LRRIQ1: variants seen among roughly 807,000 people sequenced by gnomAD.
The protein encoded by LRRIQ1 is leucine-rich repeat- and IQ domain-containing protein 1.
Under a neutral mutation model 211.9 loss-of-function variants are expected in LRRIQ1, and 210 were observed. The observed-to-expected ratio is 0.99, with a 90% CI of 0.89 to 1.11. The LOEUF (loss-of-function observed/expected upper bound fraction) is 1.11, where lower values mean the gene tolerates loss of function less well. Among genes scored for constraint, LRRIQ1 ranks in the 50% most tolerant of loss-of-function variants. The pLI is 0.00. For missense variants in LRRIQ1, 2,136 were observed against 1,939.5 expected, an observed-to-expected ratio of 1.10 and a Z score of -1.90; for synonymous variants, 699 against 650.1, an observed-to-expected ratio of 1.08 and a Z score of -1.14.
chr12:85,203,735 T>G (rs953480315), intron 24 of LRRIQ1, among the ~76,000 whole-genome samples: 2 of 152,064 alleles, frequency 1.3e-5, no homozygotes, highest in Admixed American at 1.3e-4. Context: ...TGGAAGAAAT[T>G]TCTAAGCAGC....
intron 24 of LRRIQ1, among the ~76,000 whole-genome samples, chr12:85,167,178 T>C (rs1891190910): frequency 6.6e-6 from 1 of 152,232 alleles, no homozygotes; most frequent in Non-Finnish European, 1.5e-5. Context: ...GGAAGACTTT[T>C]CTGATTCTAG....
intron 7 of LRRIQ1, among the ~76,000 whole-genome samples, chr12:85,053,087 A>G (rs1880523706): frequency 6.6e-6 from 1 of 152,132 alleles, no homozygotes; most frequent in South Asian, 2.1e-4. Flanking sequence ...ATAGCAGATG[A>G]CACCATTAGT....
intron 1 of LRRIQ1, among the ~76,000 whole-genome samples, chr12:85,252,400 G>A (rs891156415): frequency 6.6e-6 from 1 of 151,748 alleles, no homozygotes; most frequent in Non-Finnish European, 1.5e-5. Flanking sequence ...AATTAAAGAC[G>A]CTGAGGAAGA....
chr12:85,057,095 AAG>A lies in LRRIQ1; in HGVS notation c.2306_2307del (p.Arg769ThrfsTer14), dbSNP rs767840922. 6.2e-7 allele frequency: 1 copy of A among 1,607,248 alleles called. No homozygotes were observed. Among genetic ancestry groups the A allele is most frequent in the Non-Finnish European group, 8.5e-7 (1 of 1,177,874 alleles). The stretch of plus-strand genomic sequence containing the variant: ...TCAACAAAAGAAAATTGTTAGAAGA[AAG>A]AGACCTGTGAAATGCCCAGCCAACA... ...QNQQKKIVRR[K>X]RPVKCPANMT... On this transcript the variant is annotated frameshift_variant, in exon 8 of 27. Transcript: ENST00000393217. LOFTEE classifies it high-confidence loss of function.
intron 18 of LRRIQ1, among the ~76,000 whole-genome samples, chr12:85,133,289 G>A (rs1197600196): frequency 6.6e-6 from 1 of 152,004 alleles, no homozygotes; most frequent in Non-Finnish European, 1.5e-5. Flanking sequence ...TTTGTAGGTT[G>A]GGTAAAAAGA....
chr12:85,142,690 T>C (rs1889625615), intron 19 of LRRIQ1, among the ~76,000 whole-genome samples: 1 of 151,584 alleles, frequency 6.6e-6, no homozygotes, highest in African/African-American at 2.4e-5. Context: ...ATTAAGTTTT[T>C]TGGATTCCCT....
chr12:85,164,663 A>G (rs1352626729), intron 24 of LRRIQ1, among the ~76,000 whole-genome samples: 1 of 152,196 alleles, frequency 6.6e-6, no homozygotes, highest in Non-Finnish European at 1.5e-5. Context: ...TGAGAAAGGT[A>G]TTATGACTGT....
intron 24 of LRRIQ1, among the ~76,000 whole-genome samples, chr12:85,169,152 A>C (rs1330040779): frequency 6.6e-6 from 1 of 152,206 alleles, no homozygotes; most frequent in Non-Finnish European, 1.5e-5. Context: ...GATAGGAGAC[A>C]AAACTTCATT....
chr12:85,210,353 A>C (rs931331517), intron 24 of LRRIQ1, among the ~76,000 whole-genome samples: 1 of 152,206 alleles, frequency 6.6e-6, no homozygotes, highest in Non-Finnish European at 1.5e-5. Flanking sequence ...CGGAAAAACT[A>C]ATATAATTTT....
intron 24 of LRRIQ1, among the ~76,000 whole-genome samples, chr12:85,195,008 C>A (rs1405878308): frequency 6.6e-6 from 1 of 152,144 alleles, no homozygotes; most frequent in East Asian, 1.9e-4. Flanking sequence ...ACCGATCCCA[C>A]AGAAATACAA....
chr12:85,178,630 C>T (rs535429315), intron 24 of LRRIQ1, among the ~76,000 whole-genome samples: 1 of 151,922 alleles, frequency 6.6e-6, no homozygotes, highest in East Asian at 1.9e-4. Flanking sequence ...CATCATTCTC[C>T]CCATAATTTA....
chr12:85,149,032 A>G (rs1031447846), intron 19 of LRRIQ1, among the ~76,000 whole-genome samples: 1 of 151,590 alleles, frequency 6.6e-6, no homozygotes, highest in Non-Finnish European at 1.5e-5. Context: ...TTGAGTTCCT[A>G]GTAACTTCTG....
intron 24 of LRRIQ1, among the ~76,000 whole-genome samples, chr12:85,217,722 A>AGATATGTG (rs1894216573): frequency 7.5e-6 from 1 of 132,654 alleles, no homozygotes; most frequent in African/African-American, 3.8e-5. Context: ...GTATATATGT[A>AGATATGTG]TATATGTGTA....
intron 26 of LRRIQ1, 110 bp from the exon 27 acceptor site, chr12:85,244,679 A>G: frequency 1.1e-6 from 1 of 923,282 alleles, no homozygotes; most frequent in Admixed American, 2.2e-5. Context: ...ATCATTTTGA[A>G]GAAGGTTGTT....
At chr12:85,236,567 G>A (rs1364726695) in intron 26 of LRRIQ1, among the ~76,000 whole-genome samples, 1 of 151,896 alleles carries the variant, frequency 6.6e-6, no homozygotes, top group African/African-American at 2.4e-5. Context: ...ACTGGATATT[G>A]CAGAAGGATG....
intron 24 of LRRIQ1, among the ~76,000 whole-genome samples, chr12:85,197,983 T>C (rs1191463723): frequency 5.3e-5 from 5 of 94,258 alleles, no homozygotes; most frequent in South Asian, 2.6e-4. Flanking sequence ...TATATAATTA[T>C]ATTATATATT....
Position 85,253,741 on chromosome 12 carries a change from A to C in LRRIQ1, c.121+8832A>C, listed in dbSNP as rs372126870. Reference sequence around the variant, plus strand: ...ACACACACACAGAACTTTACTTCCTAATCCTTGCTGTTACCATGTATGACT... The same window carrying C: ...ACACACACACAGAACTTTACTTCCTCATCCTTGCTGTTACCATGTATGACT... On this transcript the variant is annotated intron_variant, in intron 1 of 1. Transcript: ENST00000602731. Among the ~76,000 whole-genome samples the C allele has an allele frequency of 9.9e-5, 15 of 152,140 alleles. 1 individual carries two copies. Among genetic ancestry groups the C allele is most frequent in the African/African-American group, 3.6e-4 (15 of 41,544 alleles).
intron 24 of LRRIQ1, among the ~76,000 whole-genome samples, chr12:85,199,339 G>A (rs11116743): frequency 0.036 from 5,442 of 152,108 alleles, 321 homozygotes; most frequent in African/African-American, 0.12. Context: ...TAGGCAGCCC[G>A]TTATTCCAGC....
rs1341153626 is a variant in LRRIQ1, at chr12:85,217,540, GTGTGTGTGTGTA to G, written c.4823-11975_4823-11964del. On this transcript the variant is annotated intron_variant, in intron 24 of 26. Transcript: ENST00000393217. ...TGTGTGTGTGTGTGTGTGTGTGTGT[GTGTGTGTGTGTA>G]TATAGGTATATATATGTGTGTATAC... 1.9e-3 allele frequency among the ~76,000 whole-genome samples: 209 copies of G among 112,170 alleles called. 1 individual carries two copies. The highest frequency in any genetic ancestry group is 9.9e-3 in the African/African-American group (192 of 19,414). The allele number at this position is 112,170 out of a possible 152,430, so 73.6% of individuals were successfully genotyped here.
Sources: allele counts gnomAD v4.1 joint callset (sites outside exome capture counted in the v4.1 genomes callset), GRCh38; gene constraint gnomAD v4.1.1; transcripts MANE v1.5; gene names NCBI Gene and HGNC (gene_info 2026-07-23, HGNC 2026-07-21).